Variants in CNGB1 observed in about 807,000 individuals in gnomAD.
The protein encoded by CNGB1 is cyclic nucleotide-gated channel beta-1.
Under a neutral mutation model 151.7 loss-of-function variants are expected in CNGB1, and 126 were observed. The ratio of observed to expected loss-of-function variants is 0.83; its 90% CI spans 0.72 to 0.96. CNGB1 has a LOEUF of 0.96. Ranked by LOEUF, CNGB1 falls within the 40% of genes least tolerant of loss-of-function variation. The probability of loss-of-function intolerance (pLI) is 0.00; values close to 1 mark genes in which losing one functional copy is unlikely to be tolerated. For synonymous variants in CNGB1, 623 were observed against 635.1 expected, an observed-to-expected ratio of 0.98 and a Z score of 0.29; for missense variants, 1,698 against 1,627.0, an observed-to-expected ratio of 1.04 and a Z score of -0.75.
At chr16:57,892,380 G>C (rs1387032334) in intron 31 of CNGB1, among the ~76,000 whole-genome samples, 1 of 152,148 alleles carries the variant, frequency 6.6e-6, no homozygotes, top group Non-Finnish European at 1.5e-5. Context: ...CCACTGATGT[G>C]GTGGGGAACG....
At position 57,904,943 on chromosome 16, in the gene CNGB1, C is replaced by T. The variant is rs1240126196; in HGVS notation, c.2493-68G>A. Reference sequence around the variant, plus strand: ...CACTCTGCCGCCCCGAGCAGTCTGGCTCAGACGCCTCTGATAGATGCATGT... The same window carrying T: ...CACTCTGCCGCCCCGAGCAGTCTGGTTCAGACGCCTCTGATAGATGCATGT... On this transcript the variant is annotated intron_variant, in intron 25 of 32. Coordinates refer to ENST00000251102, the MANE Select transcript of CNGB1 (RefSeq NM_001297.5). 1.6e-5 allele frequency: 25 copies of T among 1,591,172 alleles called. No individual in the cohort carries two copies. The Admixed American group carries it at 1.8e-4, about 12-fold the overall frequency.
At chr16:57,902,631 G>T (rs1193118437) in intron 27 of CNGB1, among the ~76,000 whole-genome samples, 1 of 150,158 alleles carries the variant, frequency 6.7e-6, no homozygotes, top group African/African-American at 2.5e-5. Flanking sequence ...CTGAGACAGG[G>T]TCTTGTTCTG....
intron 14 of CNGB1, among the ~76,000 whole-genome samples, chr16:57,949,134 G>T (rs8059447): frequency 6.0e-5 from 9 of 149,136 alleles, no homozygotes; most frequent in South Asian, 4.2e-4. Context: ...TAGTGTGTGT[G>T]GGGGGGGATG....
At chr16:57,887,155 G>A (rs1047316320) in intron 32 of CNGB1, among the ~76,000 whole-genome samples, 3 of 152,140 alleles carry the variant, frequency 2.0e-5, no homozygotes, top group African/African-American at 7.2e-5. Context: ...CAAAGTGCTG[G>A]GATTACAAGT....
intron 32 of CNGB1, among the ~76,000 whole-genome samples, chr16:57,887,556 A>G (rs1420402241): frequency 6.6e-6 from 1 of 152,026 alleles, no homozygotes; most frequent in Non-Finnish European, 1.5e-5. Flanking sequence ...GTCTGGAGAT[A>G]AAACCATCAC....
At chr16:57,907,166 G>T (rs77334347) in intron 25 of CNGB1, among the ~76,000 whole-genome samples, 1 of 152,132 alleles carries the variant, frequency 6.6e-6, no homozygotes, top group Non-Finnish European at 1.5e-5. Context: ...TCCCGCAGAG[G>T]GCCCTGCAGA....
intron 29 of CNGB1, among the ~76,000 whole-genome samples, 195 bp from the exon 30 acceptor site, chr16:57,898,109 T>C (rs896448686): frequency 6.6e-6 from 1 of 152,000 alleles, no homozygotes; most frequent in Non-Finnish European, 1.5e-5. Flanking sequence ...ATCTGTAGAC[T>C]TGGAGGAGTG....
In CNGB1 at chr16:57,891,994, G is replaced by C. The variant is rs138862260; in HGVS notation, c.3243-3920C>G. On this transcript the variant is annotated intron_variant, in intron 31 of 32. Transcript: ENST00000251102. ...CACATTGCAGACTTCTTGTGCTTAG[G>C]AACATGAGACGGCACTTCAGCACTA... Among the ~76,000 whole-genome samples the C allele has an allele frequency of 3.9e-3, 583 of 149,152 alleles. 3 individuals are homozygous for C. Among genetic ancestry groups the C allele is most frequent in the African/African-American group, 0.012 (504 of 40,402 alleles).
At chr16:57,964,342 T>C in intron 3 of CNGB1, 140 bp from the exon 4 acceptor site, 2 of 1,362,426 alleles carry the variant, frequency 1.5e-6, no homozygotes, top group Non-Finnish European at 2.1e-6. Flanking sequence ...TCAACTGAAG[T>C]CTCTGGGAGC....
In CNGB1 at chr16:57,960,020, C is replaced by T. The variant is rs759153238; in HGVS notation, c.629G>A (p.Arg210Gln). Residue 210 changes from arginine to glutamine, a missense_variant, in exon 10 of 33, where the codon CGG (arginine) becomes CAG (glutamine). Arg to Gln is a conservative substitution (Grantham distance 43). Coordinates refer to ENST00000251102, the MANE Select transcript of CNGB1 (RefSeq NM_001297.5). Reference protein sequence around the residue: ...PQEMGPKLQARETPSLPTPIP... With the variant: ...PQEMGPKLQAQETPSLPTPIP... ...GGGTGTGGGCAGGGAGGGGGTCTCCCGGGCCTGCAGCTTGGGCCCCATTTC... is the reference window on the plus strand; with the variant it reads ...GGGTGTGGGCAGGGAGGGGGTCTCCTGGGCCTGCAGCTTGGGCCCCATTTC... The T allele has an allele frequency of 8.3e-6, 13 of 1,574,052 alleles. No individual in the cohort carries two copies. Among genetic ancestry groups the T allele is most frequent in the Admixed American group, 1.9e-5 (1 of 53,722 alleles).
chr16:57,939,407 A>T (rs1961601524), intron 16 of CNGB1, 23 bp downstream of exon 16: 3 of 1,613,754 alleles, frequency 1.9e-6, no homozygotes, highest in South Asian at 2.2e-5. Context: ...TGCGCAACCC[A>T]TCACCACCAC....
chr16:57,913,065 G>T, intron 23 of CNGB1, 71 bp from the exon 24 acceptor site: 1 of 1,485,374 alleles, frequency 6.7e-7, no homozygotes, highest in Non-Finnish European at 9.4e-7. Context: ...GCCCACGGGC[G>T]CCGAGACTCA....
chr16:57,908,927 C>G (rs1293967349), intron 25 of CNGB1, among the ~76,000 whole-genome samples: 2 of 152,256 alleles, frequency 1.3e-5, no homozygotes, highest in Non-Finnish European at 2.9e-5. Flanking sequence ...CCTCTGCTCA[C>G]TCTCCTGCTT....
chr16:57,886,368 C>A (rs889505520), intron 32 of CNGB1, among the ~76,000 whole-genome samples: 1 of 152,216 alleles, frequency 6.6e-6, no homozygotes, highest in African/African-American at 2.4e-5. Context: ...ACTGGGAGCA[C>A]CCTTGGAGTT....
chr16:57,900,841 A>C (rs1338936910), intron 29 of CNGB1, among the ~76,000 whole-genome samples: 1 of 152,034 alleles, frequency 6.6e-6, no homozygotes, highest in Non-Finnish European at 1.5e-5. Context: ...GGACCAATTC[A>C]ACATTTTTTA....
At chr16:57,950,617 G>T (rs1180220907) in intron 12 of CNGB1, 77 bp from the exon 13 acceptor site, 16 of 1,513,216 alleles carry the variant, frequency 1.1e-5, no homozygotes, top group Non-Finnish European at 1.5e-5. Context: ...CAGGGAGCCT[G>T]CAGGGAGCCC....
chr16:57,899,633 T>A (rs1426369685), intron 29 of CNGB1, among the ~76,000 whole-genome samples: 6 of 151,878 alleles, frequency 4.0e-5, no homozygotes, highest in African/African-American at 1.4e-4. Context: ...GAGTGGGACT[T>A]GGTCTCAAAT....
chr16:57,906,959 C>A (rs1055365579), intron 25 of CNGB1, among the ~76,000 whole-genome samples: 2 of 152,140 alleles, frequency 1.3e-5, no homozygotes, highest in Non-Finnish European at 2.9e-5. Context: ...ACCCTGAGCC[C>A]CTGGCACACA....
Position 57,904,714 on chromosome 16 carries a change from C to T in CNGB1, c.2634+20G>A, listed in dbSNP as rs1361056508. 8 of 1,613,840 alleles carry T rather than the reference C, an allele frequency of 5.0e-6. No homozygotes were observed. Among genetic ancestry groups the T allele is most frequent in the Non-Finnish European group, 6.8e-6 (8 of 1,180,014 alleles). ...CCCTGCAGTCAGGTGGGGTGGGAAG[C>T]TGGGCTGGTGCCCCGATACCTGTCC... On this transcript the variant is annotated intron_variant, in intron 26 of 32. Coordinates refer to ENST00000251102, the MANE Select transcript of CNGB1 (RefSeq NM_001297.5).
Sources: allele counts gnomAD v4.1 joint callset (sites outside exome capture counted in the v4.1 genomes callset), GRCh38; gene constraint gnomAD v4.1.1; transcripts MANE v1.5; gene names NCBI Gene and HGNC (gene_info 2026-07-23, HGNC 2026-07-21).